MOCS2: variants seen among roughly 807,000 people sequenced by gnomAD.
MOCS2 encodes molybdenum cofactor synthesis 2.
Under a neutral mutation model 21.9 loss-of-function variants are expected in MOCS2, and 13 were observed. That is an observed-to-expected ratio of 0.59 (90% CI 0.39 to 0.94). The LOEUF is 0.94. MOCS2 is among the 40% of genes least tolerant of loss of function. The pLI is 0.00. For missense variants in MOCS2, 227 were observed against 218.3 expected (o/e 1.04, Z -0.25); for synonymous variants, 92 against 80.8 (o/e 1.14, Z -0.74).
At position 53,102,228 on chromosome 5, in the gene MOCS2, GAAAT is replaced by G. The variant is rs779872271; in HGVS notation, c.99-8_99-5del. The G allele has an allele frequency of 1.0e-4, 169 of 1,610,536 alleles. No homozygotes were observed. Among genetic ancestry groups the G allele is most frequent in the Non-Finnish European group, 1.3e-4 (155 of 1,177,506 alleles). ...TTCAACTTCATCCATATCTTTCCTA[GAAAT>G]AATACATTAACAAACCTTAACAGAA... On this transcript the variant is annotated splice_region_variant and splice_polypyrimidine_tract_variant and intron_variant, in intron 3 of 6. Transcript: ENST00000396954.
rs1740812703 is a variant in MOCS2 at position 53,098,454 on chromosome 5, TCTTG to T, written c.*144_*147del. The T allele has an allele frequency of 2.8e-6, 2 of 713,244 alleles. No homozygotes were observed. Among genetic ancestry groups the T allele is most frequent in the Non-Finnish European group, 5.1e-6 (2 of 395,656 alleles). The allele number at this position is 713,244 out of a possible 1,614,324, so 44.2% of individuals were successfully genotyped here. ...ACCCTTCATCCTACATACCCATTTA[TCTTG>T]CTTCCTTTTTCTCCCTTTTGTCCCA... On this transcript the variant is annotated 3_prime_UTR_variant, in exon 7 of 7. Coordinates refer to ENST00000396954, the MANE Select transcript of MOCS2 (RefSeq NM_004531.5).
chr5:53,106,953 C>T, intron 3 of MOCS2, 124 bp downstream of exon 3: 1 of 1,021,780 alleles, frequency 9.8e-7, no homozygotes, highest in Non-Finnish European at 1.4e-6. Context: ...AGAGTTGCTG[C>T]ATCAATAAAG....
At position 53,098,431 on chromosome 5, in the gene MOCS2, C is replaced by T. The variant is rs191465075; in HGVS notation, c.*171G>A. On this transcript the variant is annotated 3_prime_UTR_variant, in exon 7 of 7. Transcript: ENST00000396954. Reference sequence around the variant, plus strand: ...TATCTTTAGTTCCATTTTAAATAACCCTTCATCCTACATACCCATTTATCT... The same window carrying T: ...TATCTTTAGTTCCATTTTAAATAACTCTTCATCCTACATACCCATTTATCT... 1 of 638,216 alleles carries T rather than the reference C, an allele frequency of 1.6e-6. No individual in the cohort carries two copies. The highest frequency in any genetic ancestry group is 2.8e-6 in the Non-Finnish European group (1 of 354,866). 39.5% of individuals were successfully genotyped at this position (638,216 alleles called of 1,614,324 possible).
Position 53,108,568 on chromosome 5 carries a change from T to C in MOCS2, c.-94A>G. ...TCCTTCCACAGCTGCAACGCTTTTA[T>C]TTCTTGAGGCACAGAAATGGTCTCT... is the stretch of plus-strand genomic sequence containing the variant. On this transcript the variant is annotated 5_prime_UTR_variant, in exon 2 of 7. Transcript: ENST00000396954. 2 of 1,613,784 alleles carry C rather than the reference T, an allele frequency of 1.2e-6. No individual in the cohort carries two copies. The highest frequency in any genetic ancestry group is 1.7e-6 in the Non-Finnish European group (2 of 1,179,782).
rs1740789149 is a variant in MOCS2, at chr5:53,097,821, C to G, written c.*781G>C. 1.3e-5 allele frequency: 2 copies of G among 152,066 alleles called. No homozygotes were observed. The highest frequency in any genetic ancestry group is 1.3e-4 in the Admixed American group (2 of 15,258). The allele number at this position is 152,066 out of a possible 1,614,324, so 9.4% of individuals were successfully genotyped here. ...ATGGGACTTATATGTACAAGTCTATCAAAATACTATAAAGCTTAACCAGTT... is the reference window on the plus strand; with the variant it reads ...ATGGGACTTATATGTACAAGTCTATGAAAATACTATAAAGCTTAACCAGTT... On this transcript the variant is annotated 3_prime_UTR_variant, in exon 7 of 7. Coordinates refer to ENST00000396954, the MANE Select transcript of MOCS2 (RefSeq NM_004531.5).
At position 53,107,128 on chromosome 5, in the gene MOCS2, T is replaced by C; in HGVS notation, c.47A>G (p.Lys16Arg). The C allele has an allele frequency of 1.2e-6, 2 of 1,614,142 alleles. No homozygotes were observed. The highest frequency in any genetic ancestry group is 1.7e-6 in the Non-Finnish European group (2 of 1,180,008). Residue 16 changes from lysine (K) to arginine (R), a missense_variant, in exon 3 of 7, where the codon AAA (lysine) becomes AGA (arginine). Transcript: ENST00000396954. ...CACTAATGGGGGGGATAACGGCAATTTCGTCTCCAGGCTGAAGCACGAGGA... is the reference window on the plus strand; with the variant it reads ...CACTAATGGGGGGGATAACGGCAATCTCGTCTCCAGGCTGAAGCACGAGGA... ...ISSSCFSLET[K>R]LPLSPPLVED...
intron 6 of MOCS2, among the ~76,000 whole-genome samples, chr5:53,099,397 TC>T (rs1740843485): frequency 6.6e-6 from 1 of 152,098 alleles, no homozygotes; most frequent in Admixed American, 6.5e-5. Flanking sequence ...ACCCCTGCCT[TC>T]CAGGCTTGCA....
At position 53,101,443 on chromosome 5, in the gene MOCS2, AT is replaced by A. The variant is rs1328493860; in HGVS notation, c.292del (p.Met98TrpfsTer22). ...ISLEYEAYLP[M>X]AENEVRKICS... ...AATCTTTCTGACTTCATTTTCCGCC[AT>A]GGGTAGATATGCTTCATATTCTAAG... On this transcript the variant is annotated frameshift_variant, in exon 5 of 7. Coordinates refer to ENST00000396954, the MANE Select transcript of MOCS2 (RefSeq NM_004531.5). LOFTEE classifies it high-confidence loss of function. 2 of 1,613,030 alleles carry A rather than the reference AT, an allele frequency of 1.2e-6. No individual in the cohort carries two copies. Among genetic ancestry groups the A allele is most frequent in the Non-Finnish European group, 1.7e-6 (2 of 1,179,298 alleles).
chr5:53,107,579 C>G (rs759454408), intron 2 of MOCS2: 1 of 248,028 alleles, frequency 4.0e-6, no homozygotes, highest in Non-Finnish European at 7.9e-6. Context: ...TCCATGTGTT[C>G]AAGCACAAGT....
At chr5:53,104,746 T>A (rs1579934782) in intron 3 of MOCS2, among the ~76,000 whole-genome samples, 1 of 152,138 alleles carries the variant, frequency 6.6e-6, no homozygotes, top group East Asian at 1.9e-4. Context: ...TAAAAAGGCA[T>A]CCTTGGCTTG....
At position 53,108,581 on chromosome 5, in the gene MOCS2, A is replaced by C. The variant is rs759589941; in HGVS notation, c.-107T>G. On this transcript the variant is annotated 5_prime_UTR_variant, in exon 2 of 7. Coordinates refer to ENST00000396954, the MANE Select transcript of MOCS2 (RefSeq NM_004531.5). ...GCAACGCTTTTATTTCTTGAGGCAC[A>C]GAAATGGTCTCTGAACGAACTCCTG... The C allele has an allele frequency of 1.9e-6, 3 of 1,613,710 alleles. No homozygotes were observed. In the East Asian group the frequency reaches 6.7e-5, roughly 36 times the overall value.
In MOCS2 at chr5:53,108,200, C is replaced by T. The variant is rs149734112; in HGVS notation, c.-48+322G>A. On this transcript the variant is annotated intron_variant, in intron 2 of 6. Transcript: ENST00000396954. ...GAGGGGCAGAACAAAATGTTTAAAGCACACATTTTTAACAGAATTTGTAAC... is the reference window on the plus strand; with the variant it reads ...GAGGGGCAGAACAAAATGTTTAAAGTACACATTTTTAACAGAATTTGTAAC... 25 of 222,276 alleles carry T rather than the reference C, an allele frequency of 1.1e-4. No individual in the cohort carries two copies. The Middle Eastern group carries it at 4.8e-3, about 43-fold the overall frequency. The allele number at this position is 222,276 out of a possible 1,614,324, so 13.8% of individuals were successfully genotyped here.
intron 6 of MOCS2, among the ~76,000 whole-genome samples, chr5:53,100,091 A>G (rs1740866239): frequency 2.6e-5 from 4 of 152,154 alleles, no homozygotes; most frequent in Admixed American, 2.6e-4. Context: ...TAGCTAATGC[A>G]TTATTCTCAC....
chr5:53,109,273 C>G lies in MOCS2; in HGVS notation c.-192G>C. 1 of 1,003,570 alleles carries G rather than the reference C, an allele frequency of 1.0e-6. No individual in the cohort carries two copies. The highest frequency in any genetic ancestry group is 5.0e-4 in the Middle Eastern group (1 of 2,014). The allele number at this position is 1,003,570 out of a possible 1,614,324, so 62.2% of individuals were successfully genotyped here. The stretch of plus-strand genomic sequence containing the variant: ...CACCTGTCACTCCGTGCAAACAACT[C>G]TTTACGAAATAATTACAGGTTTGCA... On this transcript the variant is annotated 5_prime_UTR_variant, in exon 1 of 7. Coordinates refer to ENST00000396954, the MANE Select transcript of MOCS2 (RefSeq NM_004531.5).
chr5:53,105,292 A>AAT (rs1741021112), intron 3 of MOCS2, among the ~76,000 whole-genome samples: 2 of 152,170 alleles, frequency 1.3e-5, no homozygotes, highest in African/African-American at 4.8e-5. Context: ...AAAAGAACAA[A>AAT]GCTGGAGGCA....
chr5:53,109,130 T>C (rs1355728250), intron 1 of MOCS2, 121 bp downstream of exon 1: 7 of 235,028 alleles, frequency 3.0e-5, no homozygotes, highest in South Asian at 1.5e-4. Context: ...TTATGCAACA[T>C]AGTAAATCTG....
At chr5:53,100,304 C>G (rs529468355) in intron 6 of MOCS2, 107 bp downstream of exon 6, 18 of 1,259,976 alleles carry the variant, frequency 1.4e-5, no homozygotes, top group Admixed American at 1.9e-5. Flanking sequence ...ATAAAGAAAA[C>G]AAGATACTAC....
In MOCS2 at chr5:53,098,357, A is replaced by C; in HGVS notation, c.*245T>G. On this transcript the variant is annotated 3_prime_UTR_variant, in exon 7 of 7. Transcript: ENST00000396954. ...ATGGAAGGACATGTCTACCACAGAT[A>C]TCTTTCCTCACATTTAAATTATTCC... 1 of 537,434 alleles carries C rather than the reference A, an allele frequency of 1.9e-6. No individual in the cohort carries two copies. The highest frequency in any genetic ancestry group is 3.3e-6 in the Non-Finnish European group (1 of 300,084). 33.3% of individuals were successfully genotyped at this position (537,434 alleles called of 1,614,324 possible). A position where few individuals can be genotyped will look rare whatever the true frequency, so the allele number is the denominator to read the frequency against.
Position 53,103,912 on chromosome 5 carries a change from G to T in MOCS2, c.99-1688C>A, listed in dbSNP as rs560237033. ...GGCCAATGCCAAGGCACTGGGACAA[G>T]AAAGGGTGTGATGTGCTCCAGAACC... On this transcript the variant is annotated intron_variant, in intron 3 of 6. Transcript: ENST00000396954. Among the ~76,000 whole-genome samples the T allele has an allele frequency of 7.6e-4, 116 of 152,344 alleles. 1 individual carries two copies. Among genetic ancestry groups the T allele is most frequent in the African/African-American group, 2.6e-3 (107 of 41,576 alleles).
Sources: gnomAD v4.1 joint callset for allele counts (sites outside exome capture counted in the v4.1 genomes callset) on GRCh38, gnomAD v4.1.1 for gene constraint, MANE v1.5 for transcripts, NCBI Gene and HGNC (gene_info 2026-07-23, HGNC 2026-07-21) for gene names.